Variants in KRT6A observed in about 807,000 individuals in gnomAD.
The protein encoded by KRT6A is keratin 6A.
A neutral mutation model predicts 48.6 loss-of-function variants in KRT6A; 28 were observed. That is an observed-to-expected ratio of 0.58 (90% CI 0.43 to 0.79). The LOEUF is 0.79. Among genes scored for constraint, KRT6A ranks in the 30% least tolerant of loss-of-function variants. The probability of loss-of-function intolerance (pLI) is 0.00; values close to 1 mark genes in which losing one functional copy is unlikely to be tolerated. For synonymous variants in KRT6A, 301 were observed against 294.2 expected (o/e 1.02, Z -0.24); for missense variants, 687 against 724.3 (o/e 0.95, Z 0.59).
At chr12:52,490,436 T>C in intron 5 of KRT6A, 133 bp downstream of exon 5, 1 of 1,450,248 alleles carries the variant, frequency 6.9e-7, no homozygotes, top group Non-Finnish European at 9.7e-7. Context: ...ATGTCTACTC[T>C]AATAGTGCAG....
chr12:52,491,109 C>T lies in KRT6A; in HGVS notation c.816+3G>A, dbSNP rs757128682. 1.9e-6 allele frequency: 3 copies of T among 1,613,826 alleles called. No homozygotes were observed. The highest frequency in any genetic ancestry group is 1.1e-5 in the South Asian group (1 of 91,064). On this transcript the variant is annotated splice_donor_region_variant and intron_variant, in intron 3 of 8. Transcript: ENST00000330722. The stretch of plus-strand genomic sequence containing the variant: ...ATTTGAACCCCCGGCTTCATCTGCT[C>T]ACCTTCTTCAGAGTCACAAATTCAT...
At chr12:52,491,229 AG>A in intron 2 of KRT6A, 57 bp from the exon 3 acceptor site, 1 of 1,611,892 alleles carries the variant, frequency 6.2e-7, no homozygotes. Flanking sequence ...GAAACAGAAA[AG>A]CAGCCTGGGA....
At chr12:52,489,237 C>A (rs1053071301) in intron 6 of KRT6A, among the ~76,000 whole-genome samples, 2 of 152,076 alleles carry the variant, frequency 1.3e-5, no homozygotes. Flanking sequence ...TGCAGCCCAA[C>A]ACAAATTCTT....
In KRT6A at chr12:52,490,862, T is replaced by A. The variant is rs761700634; in HGVS notation, c.908A>T (p.Asp303Val). 6.8e-6 allele frequency: 11 copies of A among 1,614,058 alleles called. No homozygotes were observed. Among genetic ancestry groups the A allele is most frequent in the Non-Finnish European group, 1.7e-6 (2 of 1,179,918 alleles). ...DEINFLRALY[D>V]AELSQMQTHI... The stretch of plus-strand genomic sequence containing the variant: ...AAGGATGGTGGAGATGCTTACTGCA[T>A]CATACAAGGCTCTCAGGAAGTTGAT... Residue 303 changes from aspartate (D) to valine (V), a missense_variant, in exon 4 of 9, where the codon GAT becomes GTT. By Grantham distance (152) the Asp-to-Val change is radical (BLOSUM62 -3). Around this residue, in one of 3 missense-constraint regions of KRT6A, gnomAD observed 566 missense variants for 565.3 expected, o/e 1.00. Coordinates refer to ENST00000330722, the MANE Select transcript of KRT6A (RefSeq NM_005554.4).
chr12:52,491,854 TAG>T, intron 1 of KRT6A, 118 bp from the exon 2 acceptor site: 1 of 1,327,528 alleles, frequency 7.5e-7, no homozygotes, highest in Non-Finnish European at 1.1e-6. Context: ...ACAGTGCATG[TAG>T]AGAGGCTCAG....
chr12:52,491,724 C>T lies in KRT6A; in HGVS notation c.553G>A (p.Glu185Lys). The T allele has an allele frequency of 6.2e-7, 1 of 1,614,146 alleles. No homozygotes were observed. The change falls in exon 2 of 9, where the codon GAG (glutamate) becomes AAG (lysine). Residue 185 changes from glutamate (E) to lysine (K), a missense_variant. By Grantham distance (56) the Glu-to-Lys change is moderately conservative. Coordinates refer to ENST00000330722, the MANE Select transcript of KRT6A (RefSeq NM_005554.4). ...GTTTCCAGAACCTTGTTCTGCTGCT[C>T]CAGGAACCGCACCTGAAAGAGAGAC... is the stretch of plus-strand genomic sequence containing the variant. ...ASFIDKVRFL[E>K]QQNKVLETKW...
chr12:52,491,335 C>G (rs1481689074), intron 2 of KRT6A, among the ~76,000 whole-genome samples, 163 bp from the exon 3 acceptor site: 5 of 152,132 alleles, frequency 3.3e-5, no homozygotes, highest in Admixed American at 6.5e-5. Context: ...TTTGCCACTT[C>G]TTTAATCTCC....
intron 3 of KRT6A, 63 bp downstream of exon 3, chr12:52,491,049 C>A (rs550267075): frequency 2.5e-6 from 4 of 1,613,074 alleles, no homozygotes; most frequent in Non-Finnish European, 3.4e-6. Context: ...CCCAGGGGAG[C>A]GAGGACACAA....
At chr12:52,491,489 G>A in intron 2 of KRT6A, 33 bp downstream of exon 2, 1 of 1,611,580 alleles carries the variant, frequency 6.2e-7, no homozygotes, top group Middle Eastern at 1.7e-4. Context: ...GTGTGCTGCA[G>A]GAAACTGAGT....
chr12:52,491,322 A>G lies in KRT6A; in HGVS notation c.756-150T>C, dbSNP rs958234086. Reference sequence around the variant, plus strand: ...CTAAGAGACGATTTTTGCTTCTGCTAAATTTGCCACTTCTTTAATCTCCCC... The same window carrying G: ...CTAAGAGACGATTTTTGCTTCTGCTGAATTTGCCACTTCTTTAATCTCCCC... On this transcript the variant is annotated intron_variant, in intron 2 of 8. Transcript: ENST00000330722. The G allele has an allele frequency of 2.1e-5, 31 of 1,500,860 alleles. No individual in the cohort carries two copies. The African/African-American group carries it at 3.3e-4, about 16-fold the overall frequency. The allele number at this position is 1,500,860 out of a possible 1,614,324, so 93.0% of individuals were successfully genotyped here.
chr12:52,488,443 C>T lies in KRT6A; in HGVS notation c.1309G>A (p.Ala437Thr). 1.2e-6 allele frequency: 2 copies of T among 1,614,174 alleles called. No homozygotes were observed. Among genetic ancestry groups the T allele is most frequent in the Non-Finnish European group, 1.7e-6 (2 of 1,180,036 alleles). ...AGCAGCCGGGCCAGGTCCTGCTTGG[C>T]CTTCTGCAGGGCATCCTCCAGCCCT... ...LEGLEDALQK[A>T]KQDLARLLKE... is the part of the protein sequence containing the mutation. Residue 437 changes from alanine (A) to threonine (T), a missense_variant, in exon 7 of 9, where the codon GCC (alanine) becomes ACC (threonine). By Grantham distance (58) the Ala-to-Thr change is moderately conservative. This residue lies in a region of KRT6A where 566 missense variants were observed against 565.3 expected (regional missense o/e 1.00). Transcript: ENST00000330722.
chr12:52,492,280 T>C (rs1938281991), intron 1 of KRT6A, among the ~76,000 whole-genome samples: 2 of 152,248 alleles, frequency 1.3e-5, no homozygotes, highest in African/African-American at 4.8e-5. Context: ...TCCTTTCTTT[T>C]GTTTCCAATA....
rs376821206 is a variant in KRT6A at position 52,491,149 on chromosome 12, C to T, written c.779G>A (p.Arg260His). ...CACAAATTCATTCTCTGCTGCTGTG[C>T]GCTTGTTGATTTCATCCTCATATCT... is the stretch of plus-strand genomic sequence containing the variant. Reference protein sequence around the residue: ...KNKYEDEINKRTAAENEFVTL... With the variant: ...KNKYEDEINKHTAAENEFVTL... The change falls in exon 3 of 9, where the codon CGC becomes CAC. Residue 260 changes from arginine to histidine, a missense_variant. Arg to His is a conservative substitution (Grantham distance 29). Coordinates refer to ENST00000330722, the MANE Select transcript of KRT6A (RefSeq NM_005554.4). The T allele has an allele frequency of 2.7e-5, 43 of 1,613,808 alleles. No homozygotes were observed. The highest frequency in any genetic ancestry group is 1.5e-4 in the Admixed American group (9 of 59,990).
At chr12:52,490,371 C>A in intron 5 of KRT6A, 198 bp downstream of exon 5, 6 of 1,018,952 alleles carry the variant, frequency 5.9e-6, no homozygotes, top group Non-Finnish European at 8.8e-6. Flanking sequence ...TCTATGGTAG[C>A]TTTCCTCCTG....
Position 52,491,168 on chromosome 12 carries a change from C to T in KRT6A, c.760G>A (p.Glu254Lys), listed in dbSNP as rs370032292. The T allele has an allele frequency of 1.2e-5, 20 of 1,613,830 alleles. No homozygotes were observed. The highest frequency in any genetic ancestry group is 1.6e-4 in the Middle Eastern group (1 of 6,078). ...DLVEDFKNKY[E>K]DEINKRTAAE... is the part of the protein sequence containing the mutation. ...GCTGTGCGCTTGTTGATTTCATCCT[C>T]ATATCTACAGGAAGAAAGGCATGGG... Residue 254 changes from glutamate to lysine, a missense_variant, in exon 3 of 9, where the codon GAG becomes AAG. Physicochemically the swap from Glu to Lys is moderately conservative, Grantham distance 56. Coordinates refer to ENST00000330722, the MANE Select transcript of KRT6A (RefSeq NM_005554.4).
At position 52,490,867 on chromosome 12, in the gene KRT6A, C is replaced by A; in HGVS notation, c.903G>T (p.Leu301Phe). 1 of 1,614,020 alleles carries A rather than the reference C, an allele frequency of 6.2e-7. No individual in the cohort carries two copies. The highest frequency in any genetic ancestry group is 2.2e-5 in the East Asian group (1 of 44,886). Residue 301 changes from leucine (L) to phenylalanine (F), a missense_variant, in exon 4 of 9, where the codon TTG becomes TTT. Physicochemically the swap from Leu to Phe is conservative, Grantham distance 22. Transcript: ENST00000330722. ...LTDEINFLRA[L>F]YDAELSQMQT... ...TGGTGGAGATGCTTACTGCATCATA[C>A]AAGGCTCTCAGGAAGTTGATCTCGT...
At chr12:52,488,970 C>T (rs1938201844) in intron 6 of KRT6A, among the ~76,000 whole-genome samples, 3 of 152,190 alleles carry the variant, frequency 2.0e-5, no homozygotes, top group Admixed American at 2.0e-4. Context: ...ACTGCTGAGA[C>T]CTTGCCTTCC....
chr12:52,489,483 G>A (rs988774931), intron 6 of KRT6A, among the ~76,000 whole-genome samples: 4 of 152,084 alleles, frequency 2.6e-5, no homozygotes, highest in African/African-American at 9.7e-5. Flanking sequence ...GTTTCACCAT[G>A]TTGGTCAGGC....
Position 52,490,921 on chromosome 12 carries a change from T to G in KRT6A, c.849A>C (p.Glu283Asp). 6.2e-7 allele frequency: 1 copy of G among 1,613,960 alleles called. No individual in the cohort carries two copies. The highest frequency in any genetic ancestry group is 8.5e-7 in the Non-Finnish European group (1 of 1,179,882). ...DVDAAYMNKV[E>D]LQAKADTLTD... Reference sequence around the variant, plus strand: ...TGAGAGTGTCTGCCTTGGCTTGCAGTTCAACCTTGTTCATGTAGGCAGCAT... The same window carrying G: ...TGAGAGTGTCTGCCTTGGCTTGCAGGTCAACCTTGTTCATGTAGGCAGCAT... The change falls in exon 4 of 9, where the codon GAA becomes GAC. Residue 283 changes from glutamate to aspartate, a missense_variant. Glu to Asp is a conservative substitution (Grantham distance 45, BLOSUM62 2). Transcript: ENST00000330722.
Sources: allele counts gnomAD v4.1 joint callset (sites outside exome capture counted in the v4.1 genomes callset), GRCh38; gene constraint gnomAD v4.1.1; regional missense constraint gnomAD v4.1.1; transcripts MANE v1.5; gene names NCBI Gene and HGNC (gene_info 2026-07-23, HGNC 2026-07-21).